STAC: variants seen among roughly 807,000 people sequenced by gnomAD.
The protein encoded by STAC is SH3 and cysteine-rich domain-containing protein.
In STAC, 43 loss-of-function variants were observed where a neutral mutation model predicts 48.8. That is an observed-to-expected ratio of 0.88 (90% CI 0.69 to 1.14). STAC has a LOEUF of 1.14. Ranked by LOEUF, STAC falls within the 50% of genes most tolerant of loss-of-function variation. The pLI, the probability that STAC is intolerant of heterozygous loss-of-function variation, is 0.00. For synonymous variants in STAC, 193 were observed against 179.5 expected, an observed-to-expected ratio of 1.07 and a Z score of -0.60; for missense variants, 497 against 504.0, an observed-to-expected ratio of 0.99 and a Z score of 0.13.
In STAC at chr3:36,524,562, A is replaced by G. The variant is rs558939345; in HGVS notation, c.921-4134A>G. 2.0e-5 allele frequency among the ~76,000 whole-genome samples: 3 copies of G among 152,294 alleles called. No individual in the cohort carries two copies. In the South Asian group the frequency reaches 6.2e-4, roughly 32 times the overall value. The stretch of plus-strand genomic sequence containing the variant: ...AACTGAGATAGCACCACTGCACTCC[A>G]GCCTGGGCGACAGAGTGAAACTCCA... On this transcript the variant is annotated intron_variant, in intron 8 of 10. Coordinates refer to ENST00000273183, the MANE Select transcript of STAC (RefSeq NM_003149.3).
chr3:36,423,084 C>A (rs918695915), intron 1 of STAC, among the ~76,000 whole-genome samples: 6 of 152,050 alleles, frequency 3.9e-5, no homozygotes, highest in African/African-American at 1.4e-4. Context: ...TCATCTGTTT[C>A]CCTGGGACAT....
chr3:36,410,810 A>C (rs1000945164), intron 1 of STAC, among the ~76,000 whole-genome samples: 8 of 152,196 alleles, frequency 5.3e-5, no homozygotes, highest in African/African-American at 1.4e-4. Flanking sequence ...TTATCTTCAA[A>C]TATTATATGT....
chr3:36,515,216 CCATT>C (rs1363607044), intron 8 of STAC, among the ~76,000 whole-genome samples: 3 of 152,068 alleles, frequency 2.0e-5, no homozygotes, highest in African/African-American at 7.2e-5. Context: ...GCCTGTGGTT[CCATT>C]CACAAATAAC....
At chr3:36,534,758 T>C (rs1699160525) in intron 10 of STAC, among the ~76,000 whole-genome samples, 1 of 152,004 alleles carries the variant, frequency 6.6e-6, no homozygotes, top group African/African-American at 2.4e-5. Flanking sequence ...TCTCACTCCC[T>C]AGGCTCAGGT....
At chr3:36,507,275 G>T (rs1049547100) in intron 8 of STAC, among the ~76,000 whole-genome samples, 1 of 152,164 alleles carries the variant, frequency 6.6e-6, no homozygotes, top group African/African-American at 2.4e-5. Flanking sequence ...AAGCTGACTT[G>T]ATCGAGGTGG....
intron 1 of STAC, among the ~76,000 whole-genome samples, chr3:36,415,920 G>A (rs934385440): frequency 6.6e-6 from 1 of 152,264 alleles, no homozygotes; most frequent in East Asian, 1.9e-4. Flanking sequence ...ATATATGGTT[G>A]TATATGGTAT....
chr3:36,494,970 G>A (rs1479232514), intron 6 of STAC, among the ~76,000 whole-genome samples: 1 of 152,140 alleles, frequency 6.6e-6, no homozygotes, highest in Non-Finnish European at 1.5e-5. Context: ...GCTCAGTCCT[G>A]AGTCTGACCT....
At chr3:36,390,451 C>CTTTTTTTTTTTTTTTTTTTTTTCTTTTT (rs59589769) in intron 1 of STAC, among the ~76,000 whole-genome samples, 1 of 80,824 alleles carries the variant, frequency 1.2e-5, no homozygotes, top group Non-Finnish European at 2.4e-5. Context: ...TTTTTCTTTT[C>CTTTTTTTTTTTTTTTTTTTTTTCTTTTT]TTTTTTTTTT....
At chr3:36,471,140 T>C (rs1454564878) in intron 2 of STAC, among the ~76,000 whole-genome samples, 2 of 152,146 alleles carry the variant, frequency 1.3e-5, no homozygotes, top group African/African-American at 4.8e-5. Flanking sequence ...CTCAGAATCA[T>C]GGCAGGAGGC....
intron 6 of STAC, among the ~76,000 whole-genome samples, chr3:36,501,252 T>A (rs1254690656): frequency 1.3e-5 from 2 of 152,036 alleles, no homozygotes; most frequent in East Asian, 3.9e-4. Flanking sequence ...GTTAAAAAAA[T>A]AAGAAAGTCT....
chr3:36,521,315 G>A (rs1404523132), intron 8 of STAC, among the ~76,000 whole-genome samples: 1 of 152,130 alleles, frequency 6.6e-6, no homozygotes, highest in Non-Finnish European at 1.5e-5. Flanking sequence ...GCTTGATTTA[G>A]TGGAGTTAGT....
chr3:36,485,315 A>T (rs1431375185), intron 4 of STAC, among the ~76,000 whole-genome samples: 1 of 152,196 alleles, frequency 6.6e-6, no homozygotes, highest in African/African-American at 2.4e-5. Context: ...TTCCACCATC[A>T]GCAGCATGGT....
At chr3:36,381,588 G>C (rs552491460) in intron 1 of STAC, among the ~76,000 whole-genome samples, 4 of 152,258 alleles carry the variant, frequency 2.6e-5, no homozygotes, top group Admixed American at 2.6e-4. Flanking sequence ...TTCATTGTGC[G>C]ATCCCCAGGC....
intron 2 of STAC, among the ~76,000 whole-genome samples, chr3:36,466,776 ATTGTATCATC>A (rs1438022105): frequency 1.3e-5 from 2 of 152,078 alleles, no homozygotes; most frequent in South Asian, 2.1e-4. Context: ...TAGGTATAGG[ATTGTATCATC>A]AGCAAATAGC....
chr3:36,429,543 T>C (rs992934774), intron 1 of STAC, among the ~76,000 whole-genome samples: 3 of 152,168 alleles, frequency 2.0e-5, no homozygotes, highest in Non-Finnish European at 4.4e-5. Context: ...ATATGTAGCA[T>C]GGAAGATGCT....
At chr3:36,394,233 T>C (rs994672886) in intron 1 of STAC, among the ~76,000 whole-genome samples, 1 of 152,160 alleles carries the variant, frequency 6.6e-6, no homozygotes, top group Non-Finnish European at 1.5e-5. Flanking sequence ...ATCAGTTCCT[T>C]AGTAACACTA....
intron 1 of STAC, among the ~76,000 whole-genome samples, chr3:36,384,958 G>A (rs933592763): frequency 2.0e-5 from 3 of 152,164 alleles, no homozygotes; most frequent in Non-Finnish European, 4.4e-5. Context: ...ATGTGAAGCT[G>A]TTATTAATAA....
At chr3:36,382,060 G>C (rs1699522076) in intron 1 of STAC, among the ~76,000 whole-genome samples, 1 of 152,078 alleles carries the variant, frequency 6.6e-6, no homozygotes, top group East Asian at 1.9e-4. Flanking sequence ...TTTCCTTCCT[G>C]AGATAAAGAG....
At chr3:36,533,974 C>A (rs1699136117) in intron 10 of STAC, among the ~76,000 whole-genome samples, 1 of 152,084 alleles carries the variant, frequency 6.6e-6, no homozygotes, top group African/African-American at 2.4e-5. Context: ...AAGATAGTAT[C>A]AATTTTTTAA....
Sources: allele counts gnomAD v4.1 joint callset (sites outside exome capture counted in the v4.1 genomes callset), GRCh38; gene constraint gnomAD v4.1.1; transcripts MANE v1.5; gene names NCBI Gene and HGNC (gene_info 2026-07-23, HGNC 2026-07-21).